NDRG3: variants seen among roughly 807,000 people sequenced by gnomAD.
NDRG3 encodes the protein protein NDRG3.
Under a neutral mutation model 57.2 loss-of-function variants are expected in NDRG3, and 23 were observed. The observed-to-expected ratio is 0.40, with a 90% CI of 0.29 to 0.57. NDRG3 has a LOEUF of 0.57. Ranked by LOEUF, NDRG3 falls within the 20% of genes least tolerant of loss-of-function variation. NDRG3 has a pLI of 0.42. For missense variants in NDRG3, 384 were observed against 457.3 expected (o/e 0.84, Z 1.46); for synonymous variants, 132 against 162.6 (o/e 0.81, Z 1.43).
At position 36,682,288 on chromosome 20, in the gene NDRG3, G is replaced by A. The variant is rs144023429; in HGVS notation, c.444+230C>T. On this transcript the variant is annotated intron_variant, in intron 7 of 15. Coordinates refer to ENST00000349004, the MANE Select transcript of NDRG3 (RefSeq NM_032013.4). ...ATGGCCGCACAAAATTCCATTATAA[G>A]CAGCATCTAGGACTTGCTTTTTATT... Among the ~76,000 whole-genome samples the A allele has an allele frequency of 4.3e-3, 662 of 152,236 alleles. 7 individuals are homozygous for A. Among genetic ancestry groups the A allele is most frequent in the African/African-American group, 0.015 (628 of 41,512 alleles).
chr20:36,653,719 G>A lies in NDRG3; in HGVS notation c.947-18C>T. The stretch of plus-strand genomic sequence containing the variant: ...AGATGGTACTGTAACAGAGAACCAA[G>A]GGGACTAGAAGATGAAGCCCCGGTT... On this transcript the variant is annotated intron_variant, in intron 15 of 15. Coordinates refer to ENST00000349004, the MANE Select transcript of NDRG3 (RefSeq NM_032013.4). The surrounding 1 kb of genome is among the most constrained non-coding windows in gnomAD (Gnocchi z 4.2). 1.2e-6 allele frequency: 2 copies of A among 1,608,044 alleles called. No individual in the cohort carries two copies. Among genetic ancestry groups the A allele is most frequent in the East Asian group, 4.5e-5 (2 of 44,804 alleles).
chr20:36,684,033 T>C (rs184210773), intron 6 of NDRG3, among the ~76,000 whole-genome samples: 163 of 152,360 alleles, frequency 1.1e-3, no homozygotes, highest in African/African-American at 3.8e-3. Context: ...GTCTCACTGT[T>C]ACTCAGGCTG....
intron 3 of NDRG3, among the ~76,000 whole-genome samples, chr20:36,703,687 C>T (rs988562041): frequency 3.9e-5 from 6 of 152,070 alleles, no homozygotes; most frequent in Non-Finnish European, 5.9e-5. Context: ...CCTGGGCTCA[C>T]ACAATTCTCC....
chr20:36,656,510 G>A lies in NDRG3; in HGVS notation c.881C>T (p.Pro294Leu). ...LLKMADCGGL[P>L]QVVQPGKLTE... ...AATTCTCCTTACCTGAACTACCTGGGGCAGTCCCCCACAGTCCGCCATCTA... is the reference window on the plus strand; with the variant it reads ...AATTCTCCTTACCTGAACTACCTGGAGCAGTCCCCCACAGTCCGCCATCTA... Residue 294 changes from proline to leucine, a missense_variant, in exon 14 of 16, where the codon CCC (proline) becomes CTC (leucine). Pro to Leu is a moderately conservative substitution (Grantham distance 98). Transcript: ENST00000349004. The A allele has an allele frequency of 1.9e-6, 3 of 1,614,058 alleles. No individual in the cohort carries two copies. The highest frequency in any genetic ancestry group is 1.3e-5 in the African/African-American group (1 of 75,014).
chr20:36,739,430 G>A (rs1985801950), intron 1 of NDRG3, among the ~76,000 whole-genome samples: 1 of 147,680 alleles, frequency 6.8e-6, no homozygotes, highest in East Asian at 2.0e-4. Context: ...TTGGGCAACG[G>A]AGTGAGACTC....
At chr20:36,669,106 G>C (rs1979898813) in intron 9 of NDRG3, among the ~76,000 whole-genome samples, 1 of 151,666 alleles carries the variant, frequency 6.6e-6, no homozygotes, top group African/African-American at 2.4e-5. Context: ...GCCCATGCTG[G>C]AGTGCAATGG....
intron 1 of NDRG3, among the ~76,000 whole-genome samples, chr20:36,730,969 A>G (rs1243402427): frequency 6.6e-6 from 1 of 152,030 alleles, no homozygotes; most frequent in Non-Finnish European, 1.5e-5. Context: ...AAAGAAAAAA[A>G]GTAGAACAAG....
At chr20:36,680,198 C>T (rs1981135407) in intron 8 of NDRG3, among the ~76,000 whole-genome samples, 1 of 151,576 alleles carries the variant, frequency 6.6e-6, no homozygotes, top group African/African-American at 2.4e-5. Context: ...AGAAAAGAAA[C>T]CAGACAGGCT....
Position 36,733,146 on chromosome 20 carries a change from C to CAA in NDRG3, c.-48-11365_-48-11364dup, listed in dbSNP as rs141850127. Reference sequence around the variant, plus strand: ...TGGGTGACGGAACACGATCCTGTCTCAAAAAAAAAAAAAAAAAAAAAAAAA... The same window carrying CAA: ...TGGGTGACGGAACACGATCCTGTCTCAAAAAAAAAAAAAAAAAAAAAAAAAAA... On this transcript the variant is annotated intron_variant, in intron 1 of 15. Coordinates refer to ENST00000349004, the MANE Select transcript of NDRG3 (RefSeq NM_032013.4). 2.2e-3 allele frequency among the ~76,000 whole-genome samples: 86 copies of CAA among 38,956 alleles called. 2 individuals are homozygous for CAA. Among genetic ancestry groups the CAA allele is most frequent in the East Asian group, 8.2e-3 (5 of 608 alleles). 25.6% of individuals were successfully genotyped at this position (38,956 alleles called of 152,430 possible).
chr20:36,685,395 T>C (rs1215716461), intron 5 of NDRG3, among the ~76,000 whole-genome samples: 1 of 151,988 alleles, frequency 6.6e-6, no homozygotes, highest in Non-Finnish European at 1.5e-5. Context: ...ACTGTAACCT[T>C]GAACTCCTGG....
chr20:36,678,044 C>T (rs1273021940), intron 8 of NDRG3, among the ~76,000 whole-genome samples: 1 of 152,128 alleles, frequency 6.6e-6, no homozygotes, highest in African/African-American at 2.4e-5. Flanking sequence ...ATTAGCATTC[C>T]CTTTAGTTTC....
In NDRG3 at chr20:36,686,806, G is replaced by C. The variant is rs150722438; in HGVS notation, c.320+686C>G. On this transcript the variant is annotated intron_variant, in intron 5 of 15. Transcript: ENST00000349004. ...AGGATGGGGAGATGCTCCCAGGAAA[G>C]CTCAGAGAGATCTGAATTTGGGCCT... Among the ~76,000 whole-genome samples, 965 of 152,306 alleles carry C rather than the reference G, an allele frequency of 6.3e-3. 3 individuals carry two copies. The highest frequency in any genetic ancestry group is 0.014 in the South Asian group (68 of 4,830).
At chr20:36,710,165 C>CA (rs201891829) in intron 2 of NDRG3, among the ~76,000 whole-genome samples, 6 of 150,208 alleles carry the variant, frequency 4.0e-5, no homozygotes, top group South Asian at 2.1e-4. Context: ...ATAAAAAATG[C>CA]AAAAAAAAAT....
At chr20:36,660,830 G>A (rs1979143975) in intron 12 of NDRG3, among the ~76,000 whole-genome samples, 1 of 152,110 alleles carries the variant, frequency 6.6e-6, no homozygotes. Context: ...AAAGTGCTGG[G>A]ATTACAGGCG....
At chr20:36,656,659 T>TTGAGATGCAAA in intron 13 of NDRG3, 127 bp from the exon 14 acceptor site, 2 of 915,636 alleles carry the variant, frequency 2.2e-6, no homozygotes, top group East Asian at 2.5e-5. Context: ...CAAGTTTGCA[T>TTGAGATGCAAA]CTCAATGCAC....
At chr20:36,672,660 C>G (rs1163168359) in intron 8 of NDRG3, among the ~76,000 whole-genome samples, 2 of 152,062 alleles carry the variant, frequency 1.3e-5, no homozygotes, top group Non-Finnish European at 2.9e-5. Flanking sequence ...GAAACCCTGT[C>G]TCTACTAAAA....
At chr20:36,697,864 G>C (rs534097695) in intron 3 of NDRG3, among the ~76,000 whole-genome samples, 7 of 151,668 alleles carry the variant, frequency 4.6e-5, no homozygotes, top group Non-Finnish European at 7.4e-5. Context: ...TGATAAAATA[G>C]ACTAATGTCT....
intron 9 of NDRG3, 38 bp from the exon 10 acceptor site, chr20:36,666,430 G>A (rs1461440482): frequency 6.9e-6 from 10 of 1,449,090 alleles, no homozygotes; most frequent in Non-Finnish European, 9.7e-6. Context: ...AAGCTTCTGA[G>A]CTCCAGAATA....
At chr20:36,745,519 T>G (rs1986142698) in intron 1 of NDRG3, among the ~76,000 whole-genome samples, 1 of 152,214 alleles carries the variant, frequency 6.6e-6, no homozygotes, top group South Asian at 2.1e-4. Flanking sequence ...CTCAGTTTCC[T>G]CGGCTGTTAA....
Sources: allele counts gnomAD v4.1 joint callset (sites outside exome capture counted in the v4.1 genomes callset), GRCh38; gene constraint gnomAD v4.1.1; non-coding constraint Gnocchi (gnomAD v3.1); transcripts MANE v1.5; gene names NCBI Gene and HGNC (gene_info 2026-07-23, HGNC 2026-07-21).